The following ALDH1L2 variants were observed in gnomAD, a reference collection of about 807,000 sequenced individuals.
ALDH1L2 encodes the protein mitochondrial 10-formyltetrahydrofolate dehydrogenase.
In ALDH1L2, 91 loss-of-function variants were observed where a neutral mutation model predicts 111.0. The observed-to-expected ratio is 0.82, with a 90% CI of 0.69 to 0.98. The LOEUF (loss-of-function observed/expected upper bound fraction) is 0.98. Ranked by LOEUF, ALDH1L2 falls within the 50% of genes least tolerant of loss-of-function variation. ALDH1L2 has a pLI of 0.00. For missense variants in ALDH1L2, 995 were observed against 1,126.8 expected, an observed-to-expected ratio of 0.88 and a Z score of 1.67; for synonymous variants, 374 against 392.6, an observed-to-expected ratio of 0.95 and a Z score of 0.56.
At chr12:105,038,901 T>TCTAACCAGA (rs1366120611) in intron 17 of ALDH1L2, among the ~76,000 whole-genome samples, 5 of 152,204 alleles carry the variant, frequency 3.3e-5, no homozygotes, top group Non-Finnish European at 5.9e-5. Context: ...GAATTAAACC[T>TCTAACCAGA]CTAACCAGAC....
chr12:105,067,578 G>T (rs1724587642), intron 4 of ALDH1L2, among the ~76,000 whole-genome samples: 1 of 152,122 alleles, frequency 6.6e-6, no homozygotes, highest in South Asian at 2.1e-4. Flanking sequence ...CCTTTGGGAG[G>T]TGTCCTGCAT....
intron 21 of ALDH1L2, 35 bp from the exon 22 acceptor site, chr12:105,026,779 T>C: frequency 6.2e-7 from 1 of 1,607,656 alleles, no homozygotes; most frequent in African/African-American, 1.3e-5. Flanking sequence ...CTTCATTAAA[T>C]GTAAAGCAAA....
In ALDH1L2 at chr12:105,031,794, G is replaced by T; in HGVS notation, c.2385C>A (p.Tyr795Ter). ...CTGGCCTTTGGACTTGTCTTCCCCC[G>T]TACACCAAAGTGGCCCCTTCTTTCA... ...TGVKEGATLV[Y>*]GGRQVQRPGF... Residue 795 changes from tyrosine to a stop codon, truncating the protein, a stop_gained, in exon 20 of 23, where the codon TAC becomes TAA. Transcript: ENST00000258494. LOFTEE classifies it high-confidence loss of function. 6.2e-7 allele frequency: 1 copy of T among 1,614,070 alleles called. No individual in the cohort carries two copies. The highest frequency in any genetic ancestry group is 8.5e-7 in the Non-Finnish European group (1 of 1,179,992).
At position 105,058,081 on chromosome 12, in the gene ALDH1L2, C is replaced by T. The variant is rs753675895; in HGVS notation, c.1279G>A (p.Val427Ile). The T allele has an allele frequency of 1.2e-6, 2 of 1,612,510 alleles. No individual in the cohort carries two copies. Among genetic ancestry groups the T allele is most frequent in the East Asian group, 4.5e-5 (2 of 44,818 alleles). ...RGEDQEVELV[V>I]DYISKEVNEI... is the part of the protein sequence containing the mutation. ...ATCAAGGAAAAGCTTACATAATCTA[C>T]AACCAGCTCCACCTCTTGATCTTCT... Residue 427 changes from valine (V) to isoleucine (I), a missense_variant, in exon 10 of 23, where the codon GTA becomes ATA. Val to Ile is a conservative substitution (Grantham distance 29). Coordinates refer to ENST00000258494, the MANE Select transcript of ALDH1L2 (RefSeq NM_001034173.4).
chr12:105,073,216 A>G (rs1877841563), intron 2 of ALDH1L2, among the ~76,000 whole-genome samples: 1 of 152,222 alleles, frequency 6.6e-6, no homozygotes, highest in South Asian at 2.1e-4. Context: ...ACTGAGGCTT[A>G]GTAAGATTAA....
chr12:105,081,830 T>C (rs1191670468), intron 1 of ALDH1L2, among the ~76,000 whole-genome samples: 2 of 152,246 alleles, frequency 1.3e-5, no homozygotes, highest in African/African-American at 2.4e-5. Context: ...AAGCTTTATT[T>C]TTATTCATCC....
intron 22 of ALDH1L2, among the ~76,000 whole-genome samples, chr12:105,026,028 A>G (rs1874390049): frequency 6.6e-6 from 1 of 152,180 alleles, no homozygotes; most frequent in Non-Finnish European, 1.5e-5. Context: ...CTCACAGTGA[A>G]TTACATTTTG....
chr12:105,022,342 G>A lies in ALDH1L2; in HGVS notation c.*2082C>T, dbSNP rs1874204058. The A allele has an allele frequency of 6.6e-6, 1 of 152,150 alleles. No homozygotes were observed. The highest frequency in any genetic ancestry group is 1.5e-5 in the Non-Finnish European group (1 of 68,044). The allele number at this position is 152,150 out of a possible 1,614,324, so 9.4% of individuals were successfully genotyped here. A position where few individuals can be genotyped will look rare whatever the true frequency, so the allele number is the denominator to read the frequency against. On this transcript the variant is annotated 3_prime_UTR_variant, in exon 23 of 23. Transcript: ENST00000258494. The stretch of plus-strand genomic sequence containing the variant: ...AATTGTGTGTGTGCACATGAATTTT[G>A]GGGGTAGAAGCGGGACACAGGGAGT...
intron 21 of ALDH1L2, among the ~76,000 whole-genome samples, chr12:105,028,892 G>A (rs1374552255): frequency 2.6e-5 from 4 of 152,112 alleles, no homozygotes; most frequent in African/African-American, 9.7e-5. Context: ...TCACTGCAAT[G>A]CTCTATTGAT....
chr12:105,060,649 A>G (rs1157455350), intron 9 of ALDH1L2: 2 of 186,498 alleles, frequency 1.1e-5, no homozygotes, highest in Non-Finnish European at 2.3e-5. Flanking sequence ...ACATGGAGAA[A>G]CCCCATCTCT....
At chr12:105,072,542 A>C (rs1432268074) in intron 2 of ALDH1L2, 1 of 152,224 alleles carries the variant, frequency 6.6e-6, no homozygotes, top group East Asian at 1.9e-4. Flanking sequence ...GATGTTCAAA[A>C]AACTTAACTC....
chr12:105,034,248 A>C, intron 19 of ALDH1L2, 52 bp downstream of exon 19: 1 of 1,551,686 alleles, frequency 6.4e-7, no homozygotes, highest in Non-Finnish European at 8.9e-7. Flanking sequence ...AGGATTTTTC[A>C]AGTAAAAGCA....
chr12:105,032,167 C>T (rs1358226184), intron 19 of ALDH1L2, among the ~76,000 whole-genome samples: 1 of 143,252 alleles, frequency 7.0e-6, no homozygotes, highest in Non-Finnish European at 1.5e-5. Flanking sequence ...ACTGCAACCT[C>T]GAACTTCTTT....
At chr12:105,077,615 A>G (rs1315377045) in intron 1 of ALDH1L2, among the ~76,000 whole-genome samples, 1 of 151,726 alleles carries the variant, frequency 6.6e-6, no homozygotes, top group Non-Finnish European at 1.5e-5. Context: ...ACTAGAGGAG[A>G]CTTTTGCAGG....
intron 15 of ALDH1L2, among the ~76,000 whole-genome samples, chr12:105,045,680 G>A (rs538761977): frequency 7.9e-4 from 120 of 152,012 alleles, no homozygotes; most frequent in Admixed American, 2.0e-3. Flanking sequence ...AACTTTGAAC[G>A]TATACCTACT....
chr12:105,040,237 T>A (rs1390334759), intron 16 of ALDH1L2, among the ~76,000 whole-genome samples: 1 of 152,112 alleles, frequency 6.6e-6, no homozygotes, highest in Non-Finnish European at 1.5e-5. Context: ...AGTTTTACAT[T>A]TTCTGTATTA....
At chr12:105,038,946 A>T (rs926965914) in intron 17 of ALDH1L2, among the ~76,000 whole-genome samples, 1 of 152,262 alleles carries the variant, frequency 6.6e-6, no homozygotes, top group Non-Finnish European at 1.5e-5. Context: ...ATCAATTTTT[A>T]AAAGTACGCT....
At chr12:105,035,534 T>C (rs1431499290) in intron 18 of ALDH1L2, among the ~76,000 whole-genome samples, 2 of 152,002 alleles carry the variant, frequency 1.3e-5, no homozygotes, top group Non-Finnish European at 2.9e-5. Context: ...CCCAGGCTGG[T>C]CATGAACCCC....
At chr12:105,031,135 C>T (rs1411693182) in intron 20 of ALDH1L2, among the ~76,000 whole-genome samples, 1 of 152,124 alleles carries the variant, frequency 6.6e-6, no homozygotes, top group Non-Finnish European at 1.5e-5. Flanking sequence ...TTCCCAGTGA[C>T]TTTTATTGTG....
Sources: gnomAD v4.1 joint callset for allele counts (sites outside exome capture counted in the v4.1 genomes callset) on GRCh38, gnomAD v4.1.1 for gene constraint, MANE v1.5 for transcripts, NCBI Gene and HGNC (gene_info 2026-07-23, HGNC 2026-07-21) for gene names.